The following DEFB123 variants were observed in gnomAD, a reference collection of about 807,000 sequenced individuals.
DEFB123 encodes the protein beta-defensin 123.
For missense variants in DEFB123, 71 were observed against 75.0 expected (o/e 0.95, Z 0.20); for synonymous variants, 22 against 28.3 (o/e 0.78, Z 0.71).
chr20:31,446,534 C>T (rs1195410824), intron 1 of DEFB123, among the ~76,000 whole-genome samples: 1 of 152,192 alleles, frequency 6.6e-6, no homozygotes, highest in Non-Finnish European at 1.5e-5. Flanking sequence ...GGTTTCTCAG[C>T]ACTTTGTTCT....
intron 1 of DEFB123, among the ~76,000 whole-genome samples, chr20:31,448,878 ATT>A (rs34804733): frequency 0.02 from 2,453 of 119,962 alleles, 50 homozygotes; most frequent in African/African-American, 0.06. Flanking sequence ...CGCCCAGCTA[ATT>A]TTTTTTTTTT....
Position 31,440,741 on chromosome 20 carries a change from T to C in DEFB123, c.43T>C (p.Ser15Pro), listed in dbSNP as rs758539912. The C allele has an allele frequency of 6.2e-7, 1 of 1,613,676 alleles. No individual in the cohort carries two copies. The highest frequency in any genetic ancestry group is 8.5e-7 in the Non-Finnish European group (1 of 1,180,030). Residue 15 changes from serine to proline, a missense_variant, in exon 1 of 2, where the codon TCC (serine) becomes CCC (proline). Ser to Pro is a moderately conservative substitution (Grantham distance 74, BLOSUM62 -1). Coordinates refer to ENST00000376309, the MANE Select transcript of DEFB123 (RefSeq NM_153324.4). ...LLTLTVLLLL[S>P]QLTPGGTQRC... is the part of the protein sequence containing the mutation. ...GACTTTGACTGTGCTGCTGCTCTTA[T>C]CCCAGCTGACTCCAGGTAACCTGAA... is the stretch of plus-strand genomic sequence containing the variant.
intron 1 of DEFB123, among the ~76,000 whole-genome samples, chr20:31,449,221 T>C (rs1169929963): frequency 6.6e-6 from 1 of 151,884 alleles, no homozygotes; most frequent in Non-Finnish European, 1.5e-5. Context: ...TTTTTTTTTG[T>C]ATGCCTGAAA....
At chr20:31,444,128 C>G (rs537588673) in intron 1 of DEFB123, among the ~76,000 whole-genome samples, 5 of 152,112 alleles carry the variant, frequency 3.3e-5, no homozygotes, top group Non-Finnish European at 5.9e-5. Context: ...TTTTGACAAC[C>G]AATGGATTTT....
Position 31,441,576 on chromosome 20 carries a change from C to CA in DEFB123, c.58+821dup, listed in dbSNP as rs1276944573. Among the ~76,000 whole-genome samples the CA allele has an allele frequency of 2.0e-5, 3 of 152,160 alleles. No individual in the cohort carries two copies. The East Asian group carries it at 5.8e-4, about 29-fold the overall frequency. On this transcript the variant is annotated intron_variant, in intron 1 of 1. Transcript: ENST00000376309. The stretch of plus-strand genomic sequence containing the variant: ...GGCCTCAAATGCCAGGTGAGGGACC[C>CA]ATGGGAAGGTTTAAACAGAGAAAGA...
At position 31,440,702 on chromosome 20, in the gene DEFB123, A is replaced by C. The variant is rs1335048176; in HGVS notation, c.4A>C (p.Lys2Gln). 1 of 1,613,750 alleles carries C rather than the reference A, an allele frequency of 6.2e-7. No individual in the cohort carries two copies. The highest frequency in any genetic ancestry group is 8.5e-7 in the Non-Finnish European group (1 of 1,180,010). Residue 2 changes from lysine (K) to glutamine (Q), a missense_variant, in exon 1 of 2, where the codon AAG (lysine) becomes CAG (glutamine). Coordinates refer to ENST00000376309, the MANE Select transcript of DEFB123 (RefSeq NM_153324.4). M[K>Q]LLLLTLTVLL... Reference sequence around the variant, plus strand: ...TTCATTTTGGGCTGCCTTAGCCATGAAGCTCCTTTTGCTGACTTTGACTGT... The same window carrying C: ...TTCATTTTGGGCTGCCTTAGCCATGCAGCTCCTTTTGCTGACTTTGACTGT...
At chr20:31,444,030 A>G (rs1377425650) in intron 1 of DEFB123, among the ~76,000 whole-genome samples, 2 of 152,136 alleles carry the variant, frequency 1.3e-5, no homozygotes, top group Non-Finnish European at 2.9e-5. Flanking sequence ...TCCATGCACA[A>G]CCCTTATCTC....
chr20:31,443,980 C>G (rs1395108292), intron 1 of DEFB123, among the ~76,000 whole-genome samples: 1 of 152,158 alleles, frequency 6.6e-6, no homozygotes, highest in East Asian at 1.9e-4. Context: ...TTGGAAATCC[C>G]TGAACTTCCT....
chr20:31,449,911 AG>A, intron 1 of DEFB123, 117 bp from the exon 2 acceptor site: 7 of 1,279,860 alleles, frequency 5.5e-6, no homozygotes, highest in Non-Finnish European at 7.3e-6. Context: ...AAAGAGTCAA[AG>A]GCAAGGGAAA....
At chr20:31,445,810 G>A (rs1044241752) in intron 1 of DEFB123, among the ~76,000 whole-genome samples, 4 of 152,128 alleles carry the variant, frequency 2.6e-5, no homozygotes, top group African/African-American at 9.7e-5. Flanking sequence ...CAAAGTGCTG[G>A]GATTACAGGC....
Position 31,450,196 on chromosome 20 carries a change from T to C in DEFB123, c.*22T>C, listed in dbSNP as rs1295396446. On this transcript the variant is annotated 3_prime_UTR_variant, in exon 2 of 2. Coordinates refer to ENST00000376309, the MANE Select transcript of DEFB123 (RefSeq NM_153324.4). Reference sequence around the variant, plus strand: ...TTAACTGCTTTGAAGCCTGAAGCCATGAAAATGCAGATGAAGCTCCCAGTG... The same window carrying C: ...TTAACTGCTTTGAAGCCTGAAGCCACGAAAATGCAGATGAAGCTCCCAGTG... 7 of 1,588,506 alleles carry C rather than the reference T, an allele frequency of 4.4e-6. No individual in the cohort carries two copies. The East Asian group carries it at 1.6e-4, about 36-fold the overall frequency.
chr20:31,450,162 G>A lies in DEFB123; in HGVS notation c.192G>A (p.Trp64Ter), dbSNP rs757842821. 4 of 1,604,448 alleles carry A rather than the reference G, an allele frequency of 2.5e-6. No homozygotes were observed. The highest frequency in any genetic ancestry group is 3.4e-6 in the Non-Finnish European group (4 of 1,176,722). ...VKPKYQPKER[W>*]WPF ...CCAAGTACCAGCCAAAAGAAAGGTG[G>A]TGGCCATTTTAACTGCTTTGAAGCC... The change falls in exon 2 of 2, where the codon TGG becomes TGA. Residue 64 changes from tryptophan (W) to a stop codon, truncating the protein, a stop_gained. Coordinates refer to ENST00000376309, the MANE Select transcript of DEFB123 (RefSeq NM_153324.4). LOFTEE classifies it high-confidence loss of function.
At chr20:31,444,259 T>G (rs761970171) in intron 1 of DEFB123, among the ~76,000 whole-genome samples, 2 of 151,562 alleles carry the variant, frequency 1.3e-5, no homozygotes, top group Admixed American at 6.6e-5. Flanking sequence ...CCAGCAGAGA[T>G]GAGATTTAGG....
At chr20:31,445,656 C>T (rs1979569798) in intron 1 of DEFB123, among the ~76,000 whole-genome samples, 1 of 152,190 alleles carries the variant, frequency 6.6e-6, no homozygotes, top group Non-Finnish European at 1.5e-5. Flanking sequence ...TCTCCTGCCT[C>T]AGCCTCCCAA....
intron 1 of DEFB123, among the ~76,000 whole-genome samples, chr20:31,447,051 T>G (rs971738717): frequency 6.6e-6 from 1 of 150,754 alleles, no homozygotes; most frequent in Non-Finnish European, 1.5e-5. Flanking sequence ...TCACCTGAGG[T>G]CAGGAGTTTG....
intron 1 of DEFB123, among the ~76,000 whole-genome samples, chr20:31,445,045 T>C (rs1979553274): frequency 6.6e-6 from 1 of 152,230 alleles, no homozygotes; most frequent in Admixed American, 6.5e-5. Flanking sequence ...CTTTACAAGT[T>C]ATCTGTTGAA....
At chr20:31,444,939 A>T (rs1441906998) in intron 1 of DEFB123, among the ~76,000 whole-genome samples, 4 of 152,188 alleles carry the variant, frequency 2.6e-5, no homozygotes, top group African/African-American at 4.8e-5. Flanking sequence ...CTAGGGGGGC[A>T]TCCCTAGACA....
chr20:31,441,795 T>C (rs1979471039), intron 1 of DEFB123, among the ~76,000 whole-genome samples: 1 of 151,768 alleles, frequency 6.6e-6, no homozygotes, highest in Non-Finnish European at 1.5e-5. Flanking sequence ...TCACCTGGAG[T>C]AGGGAGGAAA....
In DEFB123 at chr20:31,441,177, G is replaced by A. The variant is rs150064391; in HGVS notation, c.58+421G>A. Among the ~76,000 whole-genome samples the A allele has an allele frequency of 4.9e-3, 754 of 152,364 alleles. 1 individual carries two copies. The highest frequency in any genetic ancestry group is 0.01 in the Middle Eastern group (3 of 294). On this transcript the variant is annotated intron_variant, in intron 1 of 1. Coordinates refer to ENST00000376309, the MANE Select transcript of DEFB123 (RefSeq NM_153324.4). ...CTCTGTGCCAGACTCTGCGCTGGAA[G>A]CTAGGACCACGGAGATAAATGACAT...
Sources: allele counts gnomAD v4.1 joint callset (sites outside exome capture counted in the v4.1 genomes callset), GRCh38; gene constraint gnomAD v4.1.1; transcripts MANE v1.5; gene names NCBI Gene and HGNC (gene_info 2026-07-23, HGNC 2026-07-21).